The following PFKFB2 variants were observed in gnomAD, a reference collection of about 807,000 sequenced individuals.
PFKFB2 encodes 6-phosphofructo-2-kinase/fructose-2,6-biphosphatase 2, also known as 6-phosphofructo-2-kinase/fructose-2,6-bisphosphatase 2.
A neutral mutation model predicts 68.0 loss-of-function variants in PFKFB2; 53 were observed. The observed-to-expected ratio is 0.78, with a 90% CI of 0.63 to 0.98. The LOEUF (loss-of-function observed/expected upper bound fraction) is 0.98, where lower values mean the gene tolerates loss of function less well. PFKFB2 is among the 50% of genes least tolerant of loss of function. The pLI, the probability that PFKFB2 is intolerant of heterozygous loss-of-function variation, is 0.00. For synonymous variants in PFKFB2, 222 were observed against 227.6 expected (o/e 0.98, Z 0.22); for missense variants, 451 against 642.0 (o/e 0.70, Z 3.22).
chr1:207,036,634 T>C (rs950503637), intron 1 of PFKFB2, among the ~76,000 whole-genome samples: 20 of 152,230 alleles, frequency 1.3e-4, no homozygotes, highest in Admixed American at 1.2e-3. Flanking sequence ...GAATGCCACA[T>C]TCCCATCCCC....
At chr1:207,056,985 G>A (rs560745688) in intron 2 of PFKFB2, among the ~76,000 whole-genome samples, 3 of 152,190 alleles carry the variant, frequency 2.0e-5, no homozygotes, top group South Asian at 4.1e-4. Context: ...CTTTGACTCC[G>A]GGAAGTGACT....
At chr1:207,049,073 C>G (rs777531418), upstream of PFKFB2, 11 of 1,613,874 alleles carry the variant, frequency 6.8e-6, no homozygotes, top group East Asian at 8.9e-5. Flanking sequence ...TCCCTTGCTT[C>G]TGCTTGTCCA....
intron 13 of PFKFB2, 33 bp from the exon 14 acceptor site, chr1:207,071,476 T>C: frequency 6.3e-7 from 1 of 1,579,962 alleles, no homozygotes; most frequent in Non-Finnish European, 8.7e-7. Flanking sequence ...TGAACCTTTT[T>C]CTTTAAGTCC....
chr1:207,054,851 T>C, intron 2 of PFKFB2, 49 bp downstream of exon 2: 1 of 1,291,014 alleles, frequency 7.7e-7, no homozygotes, highest in South Asian at 1.2e-5. Flanking sequence ...CATTTTATCT[T>C]GGGAATATAG....
intron 1 of PFKFB2, among the ~76,000 whole-genome samples, chr1:207,038,532 C>A (rs1236404295): frequency 1.3e-5 from 2 of 152,116 alleles, no homozygotes; most frequent in Admixed American, 6.5e-5. Flanking sequence ...AAATGCTGTA[C>A]CCTCTATTTG....
intron 2 of PFKFB2, chr1:207,044,501 C>T (rs1406765343): frequency 6.6e-6 from 1 of 152,464 alleles, no homozygotes; most frequent in East Asian, 1.9e-4. Context: ...CTAAGATGAT[C>T]CTTTCTGTTT....
intron 1 of PFKFB2, among the ~76,000 whole-genome samples, chr1:207,037,048 T>G (rs1682389792): frequency 6.6e-6 from 1 of 152,218 alleles, no homozygotes; most frequent in Non-Finnish European, 1.5e-5. Flanking sequence ...ATGTTCAACT[T>G]GTTATCTTTA....
chr1:207,036,551 C>G (rs1226943754), intron 1 of PFKFB2, among the ~76,000 whole-genome samples: 1 of 152,206 alleles, frequency 6.6e-6, no homozygotes, highest in African/African-American at 2.4e-5. Context: ...ACCTCTCTTT[C>G]ACTCCATTTT....
In PFKFB2 at chr1:207,073,715, T is replaced by A; in HGVS notation, c.*1344T>A. The stretch of plus-strand genomic sequence containing the variant: ...TATTTCTCTATTCACTTCTGTCATT[T>A]CATTTTCTTTGTAGGGTTAAACAGA... On this transcript the variant is annotated 3_prime_UTR_variant, in exon 15 of 15. Transcript: ENST00000367080. The A allele has an allele frequency of 1.0e-6, 1 of 985,338 alleles. No homozygotes were observed. The highest frequency in any genetic ancestry group is 1.7e-5 in the African/African-American group (1 of 57,358). The allele number at this position is 985,338 out of a possible 1,614,324, so 61.0% of individuals were successfully genotyped here. A position where few individuals can be genotyped will look rare whatever the true frequency, so the allele number is the denominator to read the frequency against.
upstream of PFKFB2, chr1:207,051,018 C>G (rs906407342): frequency 2.0e-6 from 3 of 1,510,820 alleles, no homozygotes; most frequent in East Asian, 2.5e-5. Context: ...CGACCTTTAG[C>G]GGGGCCAAAC....
intron 2 of PFKFB2, among the ~76,000 whole-genome samples, chr1:207,059,805 A>G (rs1342878671): frequency 6.6e-6 from 1 of 152,104 alleles, no homozygotes; most frequent in Non-Finnish European, 1.5e-5. Context: ...CTCCATTGAG[A>G]TCTTTCTACA....
At chr1:207,071,920 A>G (rs1683476430) in intron 14 of PFKFB2, among the ~76,000 whole-genome samples, 1 of 152,202 alleles carries the variant, frequency 6.6e-6, no homozygotes, top group Non-Finnish European at 1.5e-5. Context: ...CAAGAGGTGT[A>G]GGTTTGTTCC....
Position 207,063,525 on chromosome 1 carries a change from T to A in PFKFB2, c.450+104T>A. 2.5e-6 allele frequency: 2 copies of A among 810,150 alleles called. No homozygotes were observed. Among genetic ancestry groups the A allele is most frequent in the Non-Finnish European group, 4.3e-6 (2 of 469,850 alleles). 50.2% of individuals were successfully genotyped at this position (810,150 alleles called of 1,614,324 possible). ...TAGTGGGTGAGGACAGGATGGGATATCTGAATCTCTTCTCTCAGAGCATTC... is the reference window on the plus strand; with the variant it reads ...TAGTGGGTGAGGACAGGATGGGATAACTGAATCTCTTCTCTCAGAGCATTC... On this transcript the variant is annotated intron_variant, in intron 6 of 14. Transcript: ENST00000367080. The surrounding 1 kb of genome is among the most constrained non-coding windows in gnomAD (Gnocchi z 4.1).
At chr1:207,064,412 G>GAA (rs371421847) in intron 7 of PFKFB2, among the ~76,000 whole-genome samples, 4 of 137,040 alleles carry the variant, frequency 2.9e-5, no homozygotes, top group African/African-American at 1.1e-4. Context: ...TCTCAAAAAA[G>GAA]AAAAAAAAAA....
chr1:207,051,296 T>TCTGCAAGATTG (rs1682746924), upstream of PFKFB2, among the ~76,000 whole-genome samples: 1 of 152,184 alleles, frequency 6.6e-6, no homozygotes, highest in Non-Finnish European at 1.5e-5. Flanking sequence ...GATTGGAATG[T>TCTGCAAGATTG]GACCTTGCAC....
intron 1 of PFKFB2, chr1:207,035,203 G>C (rs947900455): frequency 1.0e-6 from 1 of 985,434 alleles, no homozygotes; most frequent in African/African-American, 1.7e-5. Context: ...GCATGCTGTT[G>C]TGGTCATCTC....
At chr1:207,080,152 A>G (rs1268086936), downstream of PFKFB2, 1 of 152,232 alleles carries the variant, frequency 6.6e-6, no homozygotes, top group Non-Finnish European at 1.5e-5. Flanking sequence ...ATCTCTGTAA[A>G]TGTGGTTTTG....
intron 2 of PFKFB2, chr1:207,046,930 A>G (rs1439528045): frequency 6.6e-6 from 1 of 152,124 alleles, no homozygotes; most frequent in Non-Finnish European, 1.5e-5. Flanking sequence ...AGCTGTAGTA[A>G]GCAAATGTCA....
chr1:207,070,717 C>T lies in PFKFB2; in HGVS notation c.1222+308C>T, dbSNP rs899816970. 13 of 323,046 alleles carry T rather than the reference C, an allele frequency of 4.0e-5. No homozygotes were observed. Among genetic ancestry groups the T allele is most frequent in the African/African-American group, 2.0e-4 (9 of 45,698 alleles). 20.0% of individuals were successfully genotyped at this position (323,046 alleles called of 1,614,324 possible). A position where few individuals can be genotyped will look rare whatever the true frequency, so the allele number is the denominator to read the frequency against. ...GTGGTTGAATATTCCCAGCCTGCCACGCTGCCTACTAGGAGGGTGGTATCT... is the reference window on the plus strand; with the variant it reads ...GTGGTTGAATATTCCCAGCCTGCCATGCTGCCTACTAGGAGGGTGGTATCT... On this transcript the variant is annotated intron_variant, in intron 12 of 14. Transcript: ENST00000367080. This position sits in a 1 kb window ranked among gnomAD's most constrained non-coding sequence, Gnocchi z 4.2.
Sources: gnomAD v4.1 joint callset for allele counts (sites outside exome capture counted in the v4.1 genomes callset) on GRCh38, gnomAD v4.1.1 for gene constraint, Gnocchi (gnomAD v3.1) non-coding constraint, MANE v1.5 for transcripts, NCBI Gene and HGNC (gene_info 2026-07-23, HGNC 2026-07-21) for gene names.